The following DSC1 variants were observed in gnomAD, a reference collection of about 807,000 sequenced individuals.
DSC1 encodes the protein desmocollin-1.
DSC1 carries 79 observed loss-of-function variants against 98.8 expected under a neutral mutation model. The observed-to-expected ratio is 0.80, with a 90% CI of 0.67 to 0.96. The LOEUF (loss-of-function observed/expected upper bound fraction) is 0.96. DSC1 is among the 50% of genes least tolerant of loss of function. The pLI, the probability that DSC1 is intolerant of heterozygous loss-of-function variation, is 0.00. For synonymous variants in DSC1, 405 were observed against 372.1 expected, an observed-to-expected ratio of 1.09 and a Z score of -1.02; for missense variants, 1,115 against 1,075.9, an observed-to-expected ratio of 1.04 and a Z score of -0.51.
Position 31,154,046 on chromosome 18 carries a change from A to G in DSC1, c.627+728T>C, listed in dbSNP as rs552870273. Among the ~76,000 whole-genome samples, 19 of 152,292 alleles carry G rather than the reference A, an allele frequency of 1.2e-4. 1 individual carries two copies. The South Asian group carries it at 1.9e-3, about 15-fold the overall frequency. On this transcript the variant is annotated intron_variant, in intron 5 of 15. Transcript: ENST00000257198. ...AATCAGTTTTATTCACCACCATTCC[A>G]AAAACCTACTATGAATATCTCATTT... is the stretch of plus-strand genomic sequence containing the variant.
chr18:31,135,820 G>A (rs1171700166), intron 11 of DSC1, among the ~76,000 whole-genome samples: 1 of 152,028 alleles, frequency 6.6e-6, no homozygotes, highest in East Asian at 1.9e-4. Flanking sequence ...AAACAGAAAG[G>A]TAATTGATGT....
In DSC1 at chr18:31,131,206, T is replaced by A. The variant is rs374642509; in HGVS notation, c.2487+388A>T. 1.3e-3 allele frequency among the ~76,000 whole-genome samples: 199 copies of A among 152,328 alleles called. 1 individual carries two copies. The highest frequency in any genetic ancestry group is 0.01 in the Middle Eastern group (3 of 294). The stretch of plus-strand genomic sequence containing the variant: ...CAACAATTTATCTGGTTGATTTTGA[T>A]AGCCAGGACTTCATAACCACACAAA... On this transcript the variant is annotated intron_variant, in intron 15 of 15. Transcript: ENST00000257198.
chr18:31,154,924 T>C lies in DSC1; in HGVS notation c.477A>G (p.Gln159=), dbSNP rs1468917880. The change falls in exon 5 of 16, where the codon CAA becomes CAG. Residue 159 remains glutamine (Q), a synonymous_variant. Transcript: ENST00000257198. ...TGGTGTAATTCTGTGCAGCATCAGA[T>C]TGGATCTGCAGTAATAATTTAGGAA... is the stretch of plus-strand genomic sequence containing the variant. ...GPFPQHVQQI[Q]SDAAQNYTIF... 3.1e-6 allele frequency: 5 copies of C among 1,613,276 alleles called. No individual in the cohort carries two copies. Among genetic ancestry groups the C allele is most frequent in the Non-Finnish European group, 4.2e-6 (5 of 1,179,776 alleles).
At chr18:31,157,316 A>G in intron 3 of DSC1, 55 bp downstream of exon 3, 2 of 1,548,390 alleles carry the variant, frequency 1.3e-6, no homozygotes, top group Non-Finnish European at 1.8e-6. Flanking sequence ...ATGAAACACG[A>G]AGGACTCCCG....
In DSC1 at chr18:31,162,808, T is replaced by C. The variant is rs1989236031; in HGVS notation, c.-214A>G. On this transcript the variant is annotated 5_prime_UTR_variant, in exon 1 of 16. Transcript: ENST00000257198. ...TCCCCCTATTCCCTGGCCAGTCTCCTTCCTTCCAGTTCAATTACGTCTAAA... is the reference window on the plus strand; with the variant it reads ...TCCCCCTATTCCCTGGCCAGTCTCCCTCCTTCCAGTTCAATTACGTCTAAA... 3.7e-6 allele frequency: 2 copies of C among 541,070 alleles called. No homozygotes were observed. The highest frequency in any genetic ancestry group is 3.1e-5 in the East Asian group (1 of 32,114). 33.5% of individuals were successfully genotyped at this position (541,070 alleles called of 1,614,324 possible).
chr18:31,155,480 AT>A (rs56800844), intron 4 of DSC1, among the ~76,000 whole-genome samples: 5,567 of 152,116 alleles, frequency 0.037, 333 homozygotes, highest in African/African-American at 0.13. Flanking sequence ...AAATACAAAA[AT>A]TAGCTGGGCT....
chr18:31,132,660 C>T lies in DSC1; in HGVS notation c.2146G>A (p.Ala716Thr), dbSNP rs1988520407. Residue 716 changes from alanine to threonine, a missense_variant, in exon 14 of 16, where the codon GCT becomes ACT. Ala to Thr is a moderately conservative substitution (Grantham distance 58). Coordinates refer to ENST00000257198, the MANE Select transcript of DSC1 (RefSeq NM_024421.2). ...AAACATTTCTTGACTGTTCTCTTAG[C>T]AGTGACACAGAAACATGTAAACAGA... Reference protein sequence around the residue: ...CILFTCFCVTAKRTVKKCFPE... With the variant: ...CILFTCFCVTTKRTVKKCFPE... 1 of 1,613,028 alleles carries T rather than the reference C, an allele frequency of 6.2e-7. No homozygotes were observed. The highest frequency in any genetic ancestry group is 8.5e-7 in the Non-Finnish European group (1 of 1,179,506).
rs36081634 is a variant in DSC1 at position 31,142,170 on chromosome 18, T to C, written c.1089A>G (p.Val363=). 59,296 of 1,611,956 alleles carry C rather than the reference T, an allele frequency of 0.037. 1,274 individuals are homozygous for C. Among genetic ancestry groups the C allele is most frequent in the Middle Eastern group, 0.068 (411 of 6,054 alleles). The change falls in exon 9 of 16, where the codon GTA becomes GTG. Residue 363 remains valine (V), a synonymous_variant. Coordinates refer to ENST00000257198, the MANE Select transcript of DSC1 (RefSeq NM_024421.2). Reference sequence around the variant, plus strand: ...TCTCCACGTCAATTCTGTTTTCTTCTACTTCTGTAACATACTGAAAGAATT... The same window carrying C: ...TCTCCACGTCAATTCTGTTTTCTTCCACTTCTGTAACATACTGAAAGAATT... ...SFTETSYVTE[V]EENRIDVEIL...
intron 15 of DSC1, chr18:31,131,366 C>A: frequency 3.5e-6 from 2 of 577,162 alleles, no homozygotes; most frequent in South Asian, 2.1e-5. Flanking sequence ...GTAAACACAT[C>A]TACATATGGC....
At chr18:31,134,864 A>G (rs1988577267) in intron 11 of DSC1, 80 bp from the exon 12 acceptor site, 14 of 1,333,096 alleles carry the variant, frequency 1.1e-5, no homozygotes, top group Admixed American at 2.1e-5. Context: ...CACAGTTGAC[A>G]TCTGCTTTCT....
chr18:31,157,928 G>A (rs1388448573), intron 2 of DSC1, among the ~76,000 whole-genome samples: 1 of 152,070 alleles, frequency 6.6e-6, no homozygotes, highest in Non-Finnish European at 1.5e-5. Context: ...ACCGTATGAT[G>A]TCAGTAGGTT....
chr18:31,140,253 T>TGACA lies in DSC1; in HGVS notation c.1305_1308dup (p.Ile437CysfsTer3). 1.2e-6 allele frequency: 2 copies of TGACA among 1,614,052 alleles called. No homozygotes were observed. Among genetic ancestry groups the TGACA allele is most frequent in the Non-Finnish European group, 1.7e-6 (2 of 1,179,924 alleles). On this transcript the variant is annotated frameshift_variant, in exon 10 of 16. Transcript: ENST00000257198. LOFTEE classifies it high-confidence loss of function. ...GCTTTAGAGAATTGTGCCTCGTTAA[T>TGACA]GACACCAACTTGCAAAATAACTTGG...
intron 1 of DSC1, among the ~76,000 whole-genome samples, chr18:31,161,060 CCCATGGTATGCA>C (rs753779803): frequency 1.5e-4 from 23 of 151,894 alleles, no homozygotes; most frequent in Non-Finnish European, 2.4e-4. Context: ...ATATGTATGC[CCCATGGTATGCA>C]CCATGGTACA....
chr18:31,155,029 T>C, intron 4 of DSC1, 100 bp from the exon 5 acceptor site: 1 of 1,331,166 alleles, frequency 7.5e-7, no homozygotes, highest in Non-Finnish European at 1.0e-6. Context: ...CCCTCTTTCC[T>C]ACTCTCCTAT....
At chr18:31,152,146 A>T (rs1989012149) in intron 5 of DSC1, among the ~76,000 whole-genome samples, 1 of 151,208 alleles carries the variant, frequency 6.6e-6, no homozygotes, top group Non-Finnish European at 1.5e-5. Context: ...TGGGAGACAG[A>T]GTGACACCCT....
At chr18:31,134,505 C>A in intron 12 of DSC1, 67 bp downstream of exon 12, 1 of 1,234,650 alleles carries the variant, frequency 8.1e-7, no homozygotes, top group South Asian at 1.5e-5. Context: ...TTATGATAAA[C>A]TAAGGTGAAA....
intron 5 of DSC1, among the ~76,000 whole-genome samples, chr18:31,149,723 T>C (rs1292882855): frequency 6.6e-6 from 1 of 152,118 alleles, no homozygotes; most frequent in East Asian, 1.9e-4. Flanking sequence ...AACCACAAAA[T>C]CCTCATTATT....
intron 5 of DSC1, among the ~76,000 whole-genome samples, chr18:31,150,625 C>T (rs1988983763): frequency 6.6e-6 from 1 of 152,112 alleles, no homozygotes; most frequent in Non-Finnish European, 1.5e-5. Context: ...ACCACTGTCA[C>T]ATCATCATTA....
Position 31,134,014 on chromosome 18 carries a change from A to T in DSC1, c.1993T>A (p.Cys665Ser). ...CACTCAGATGGAGTTGAACAGTCACATACTCTCACTGTTAACATATGTGTT... is the reference window on the plus strand; with the variant it reads ...CACTCAGATGGAGTTGAACAGTCACTTACTCTCACTGTTAACATATGTGTT... ...VATHMLTVRV[C>S]DCSTPSECRM... Residue 665 changes from cysteine (C) to serine (S), a missense_variant, in exon 13 of 16, where the codon TGT becomes AGT. Coordinates refer to ENST00000257198, the MANE Select transcript of DSC1 (RefSeq NM_024421.2). The T allele has an allele frequency of 6.2e-7, 1 of 1,613,332 alleles. No homozygotes were observed. Among genetic ancestry groups the T allele is most frequent in the Non-Finnish European group, 8.5e-7 (1 of 1,179,664 alleles).
Sources: gnomAD v4.1 joint callset for allele counts (sites outside exome capture counted in the v4.1 genomes callset) on GRCh38, gnomAD v4.1.1 for gene constraint, MANE v1.5 for transcripts, NCBI Gene and HGNC (gene_info 2026-07-23, HGNC 2026-07-21) for gene names.